The following SAMD13 variants were observed in gnomAD, a reference collection of about 807,000 sequenced individuals.
SAMD13 encodes sterile alpha motif domain-containing protein 13.
In SAMD13, 9 loss-of-function variants were observed where a neutral mutation model predicts 12.4. The ratio of observed to expected loss-of-function variants is 0.72; its 90% CI spans 0.44 to 1.26. The LOEUF (loss-of-function observed/expected upper bound fraction) is 1.26. Among genes scored for constraint, SAMD13 ranks in the 50% most tolerant of loss-of-function variants. SAMD13 has a pLI of 0.00. For missense variants in SAMD13, 84 were observed against 119.6 expected (o/e 0.70, Z 1.39); for synonymous variants, 46 against 45.4 (o/e 1.01, Z -0.05).
chr1:84,326,763 A>T (rs1385994335), intron 3 of SAMD13, among the ~76,000 whole-genome samples: 1 of 152,148 alleles, frequency 6.6e-6, no homozygotes, highest in African/African-American at 2.4e-5. Context: ...GCCATTGTTC[A>T]TTCTCTCAAA....
chr1:84,330,286 T>G (rs971656303), intron 3 of SAMD13, among the ~76,000 whole-genome samples: 1 of 152,190 alleles, frequency 6.6e-6, no homozygotes, highest in Non-Finnish European at 1.5e-5. Flanking sequence ...TTAAAACTGG[T>G]CCTCAAGAAG....
chr1:84,327,822 A>G (rs1679090693), intron 3 of SAMD13, among the ~76,000 whole-genome samples: 1 of 152,182 alleles, frequency 6.6e-6, no homozygotes. Flanking sequence ...ATGGGTATTT[A>G]CTATAAAACT....
At chr1:84,311,403 T>A (rs960808277) in intron 2 of SAMD13, among the ~76,000 whole-genome samples, 15 of 152,048 alleles carry the variant, frequency 9.9e-5, no homozygotes, top group Admixed American at 3.3e-4. Context: ...CAAGCATTCC[T>A]TCTGTTTCAG....
intron 3 of SAMD13, among the ~76,000 whole-genome samples, chr1:84,346,042 A>G (rs1679527379): frequency 6.6e-6 from 1 of 152,136 alleles, no homozygotes; most frequent in Admixed American, 6.5e-5. Flanking sequence ...TTATTGAGTG[A>G]TCAGTGCATG....
chr1:84,344,355 T>C (rs888432091), intron 3 of SAMD13, among the ~76,000 whole-genome samples: 1 of 152,140 alleles, frequency 6.6e-6, no homozygotes, highest in Non-Finnish European at 1.5e-5. Flanking sequence ...GTGTATATTA[T>C]CCACTCTAAA....
chr1:84,306,000 C>T (rs564176944), intron 2 of SAMD13, among the ~76,000 whole-genome samples: 85 of 151,980 alleles, frequency 5.6e-4, no homozygotes, highest in Non-Finnish European at 5.9e-5. Flanking sequence ...CAGTTTCCAC[C>T]AAATTTTTTT....
intron 2 of SAMD13, among the ~76,000 whole-genome samples, chr1:84,322,069 G>T (rs316661): frequency 0.97 from 147,105 of 152,236 alleles, 71,178 homozygotes; most frequent in Non-Finnish European, 1. Flanking sequence ...CTAGGCAGGC[G>T]GAACTAACCA....
chr1:84,331,115 C>A (rs12027147), intron 3 of SAMD13, among the ~76,000 whole-genome samples: 1 of 151,830 alleles, frequency 6.6e-6, no homozygotes, highest in South Asian at 2.1e-4. Flanking sequence ...AATAAAATTT[C>A]TTATGGCTAC....
chr1:84,340,758 A>T (rs564319670), intron 3 of SAMD13, among the ~76,000 whole-genome samples: 1 of 152,288 alleles, frequency 6.6e-6, no homozygotes, highest in Admixed American at 6.5e-5. Flanking sequence ...TATAAATAAG[A>T]TTGTCCTTAT....
intron 2 of SAMD13, among the ~76,000 whole-genome samples, chr1:84,324,143 G>C (rs1222040522): frequency 6.6e-6 from 1 of 152,064 alleles, no homozygotes; most frequent in Non-Finnish European, 1.5e-5. Context: ...ATGATCTCTG[G>C]GTTGCATGAC....
At chr1:84,311,049 T>C (rs1414779970) in intron 2 of SAMD13, among the ~76,000 whole-genome samples, 8 of 152,092 alleles carry the variant, frequency 5.3e-5, no homozygotes, top group Admixed American at 5.2e-4. Context: ...AATTTTTGAA[T>C]ATTTGGCCAG....
At chr1:84,299,882 A>G (rs931898678), upstream of SAMD13, among the ~76,000 whole-genome samples, 3 of 151,944 alleles carry the variant, frequency 2.0e-5, no homozygotes, top group Admixed American at 6.6e-5. Flanking sequence ...ATGGGAGGGG[A>G]TGTCCCTTTG....
At chr1:84,299,673 A>T (rs868577242), upstream of SAMD13, 79 of 900,556 alleles carry the variant, frequency 8.8e-5, 1 homozygote, top group South Asian at 1.2e-4. Context: ...ATATATATAT[A>T]TATTTATTTA....
intron 1 of SAMD13, chr1:84,302,676 C>T (rs529592035): frequency 7.1e-6 from 7 of 985,604 alleles, no homozygotes; most frequent in Non-Finnish European, 8.4e-6. Flanking sequence ...TTGAGGCTTT[C>T]GTTGAGAATG....
At position 84,349,614 on chromosome 1, in the gene SAMD13, T is replaced by C. The variant is rs1449409459; in HGVS notation, c.166-17T>C. ...TTTGGACTCACATGTTGGCTTTACC[T>C]TCTGCTTCCATTATAGGAAATTGAT... is the stretch of plus-strand genomic sequence containing the variant. On this transcript the variant is annotated splice_polypyrimidine_tract_variant and intron_variant, in intron 3 of 3. Transcript: ENST00000394834. 3 of 1,610,432 alleles carry C rather than the reference T, an allele frequency of 1.9e-6. No individual in the cohort carries two copies. Among genetic ancestry groups the C allele is most frequent in the African/African-American group, 2.7e-5 (2 of 74,794 alleles).
At chr1:84,345,550 C>T (rs1462107589) in intron 3 of SAMD13, among the ~76,000 whole-genome samples, 2 of 152,162 alleles carry the variant, frequency 1.3e-5, no homozygotes, top group Non-Finnish European at 2.9e-5. Context: ...TAGAGGCCAC[C>T]ACCACAAATA....
At chr1:84,330,453 T>G (rs1194813804) in intron 3 of SAMD13, among the ~76,000 whole-genome samples, 1 of 152,190 alleles carries the variant, frequency 6.6e-6, no homozygotes, top group Non-Finnish European at 1.5e-5. Flanking sequence ...GCTAAGAGCT[T>G]TGGTTTTTAA....
intron 3 of SAMD13, among the ~76,000 whole-genome samples, chr1:84,346,000 A>G (rs1042240797): frequency 6.6e-6 from 1 of 152,112 alleles, no homozygotes; most frequent in African/African-American, 2.4e-5. Context: ...CACCATACTC[A>G]GCTTTTATAT....
At chr1:84,303,426 C>T in intron 2 of SAMD13, 139 bp downstream of exon 2, 1 of 595,348 alleles carries the variant, frequency 1.7e-6, no homozygotes, top group East Asian at 3.0e-5. Flanking sequence ...AGCAGCCTCC[C>T]TTCTCCCCCC....
Sources: allele counts gnomAD v4.1 joint callset (sites outside exome capture counted in the v4.1 genomes callset), GRCh38; gene constraint gnomAD v4.1.1; transcripts MANE v1.5; gene names NCBI Gene and HGNC (gene_info 2026-07-23, HGNC 2026-07-21).